Variants in ZFHX3 observed in about 807,000 individuals in gnomAD.
ZFHX3 encodes the protein zinc finger homeobox protein 3.
Under a neutral mutation model 279.1 loss-of-function variants are expected in ZFHX3, and 42 were observed. The observed-to-expected ratio is 0.15, with a 90% confidence interval of 0.12 to 0.19. The LOEUF (loss-of-function observed/expected upper bound fraction) is 0.19. Among genes scored for constraint, ZFHX3 ranks in the 10% least tolerant of loss-of-function variants. The pLI is 1.00. For missense variants in ZFHX3, 4,981 were observed against 4,754.0 expected, an observed-to-expected ratio of 1.05 and a Z score of -1.40; for synonymous variants, 2,293 against 1,957.8, an observed-to-expected ratio of 1.17 and a Z score of -4.52.
chr16:73,390,019 C>T (rs562638543), intron 3 of ZFHX3, among the ~76,000 whole-genome samples: 7 of 152,236 alleles, frequency 4.6e-5, no homozygotes, highest in African/African-American at 1.7e-4. Context: ...GAGATTGCAC[C>T]ACTGCACTCC....
At chr16:72,875,480 G>A (rs2038285581) in intron 4 of ZFHX3, among the ~76,000 whole-genome samples, 1 of 152,234 alleles carries the variant, frequency 6.6e-6, no homozygotes, top group Non-Finnish European at 1.5e-5. Context: ...TACACAGCCT[G>A]CTAGAGGCCA....
chr16:73,368,821 A>G (rs2016574017), intron 3 of ZFHX3, among the ~76,000 whole-genome samples: 1 of 152,212 alleles, frequency 6.6e-6, no homozygotes, highest in Non-Finnish European at 1.5e-5. Flanking sequence ...TCTCGAAACA[A>G]TTAACTCATG....
intron 2 of ZFHX3, among the ~76,000 whole-genome samples, chr16:73,484,766 G>A (rs2018943419): frequency 6.6e-6 from 1 of 152,142 alleles, no homozygotes; most frequent in Non-Finnish European, 1.5e-5. Context: ...CGATGAGAAG[G>A]GGCTCTCTGG....
intron 5 of ZFHX3, among the ~76,000 whole-genome samples, chr16:73,214,304 C>A (rs1262797054): frequency 1.3e-5 from 2 of 152,222 alleles, no homozygotes; most frequent in Non-Finnish European, 2.9e-5. Context: ...TCCACGTTCT[C>A]CTCATGCCAT....
In ZFHX3 at chr16:72,787,306, G is replaced by A. The variant is rs1371275904; in HGVS notation, c.10970C>T (p.Thr3657Ile). ...GTCAGACTCCTCCGAATAGTCGTCTGTTGGCATCGAGGGCTGAACCCCTGA... is the reference window on the plus strand; with the variant it reads ...GTCAGACTCCTCCGAATAGTCGTCTATTGGCATCGAGGGCTGAACCCCTGA... The part of the protein sequence containing the change: ...STSGVQPSMP[T>I]DDYSEESDTD... The change falls in exon 10 of 10, where the codon ACA (threonine) becomes ATA (isoleucine). Residue 3657 changes from threonine to isoleucine, a missense_variant. Thr to Ile is a moderately conservative substitution (Grantham distance 89). Coordinates refer to ENST00000268489, the MANE Select transcript of ZFHX3 (RefSeq NM_006885.4). The A allele has an allele frequency of 6.2e-7, 1 of 1,613,938 alleles. No individual in the cohort carries two copies. The highest frequency in any genetic ancestry group is 1.7e-5 in the Admixed American group (1 of 59,996).
intron 7 of ZFHX3, among the ~76,000 whole-genome samples, chr16:72,803,810 G>A (rs768681283): frequency 2.0e-5 from 3 of 152,188 alleles, no homozygotes; most frequent in African/African-American, 7.2e-5. Flanking sequence ...AAGTTTTTCT[G>A]GTTAAGAAAA....
intron 3 of ZFHX3, among the ~76,000 whole-genome samples, chr16:73,418,844 T>C (rs555407033): frequency 6.6e-6 from 1 of 152,344 alleles, no homozygotes; most frequent in East Asian, 1.9e-4. Flanking sequence ...AAATCACTTC[T>C]TCCAATGGAT....
intron 2 of ZFHX3, among the ~76,000 whole-genome samples, chr16:73,513,317 C>T (rs1012965342): frequency 1.3e-5 from 2 of 152,252 alleles, no homozygotes; most frequent in South Asian, 2.1e-4. Context: ...ACCTATATAT[C>T]ATCATATAAT....
chr16:73,024,344 G>A (rs984122157), intron 1 of ZFHX3, among the ~76,000 whole-genome samples: 1 of 152,094 alleles, frequency 6.6e-6, no homozygotes, highest in African/African-American at 2.4e-5. Flanking sequence ...TGAATTGATG[G>A]CCAGTCTCCA....
In ZFHX3 at chr16:72,795,897, T is replaced by G; in HGVS notation, c.6785A>C (p.Asp2262Ala). The change falls in exon 9 of 10, where the codon GAT becomes GCT. Residue 2262 changes from aspartate to alanine, a missense_variant. Physicochemically the swap from Asp to Ala is moderately radical, Grantham distance 126. This residue lies in a region of ZFHX3 where 177 missense variants were observed against 244.2 expected (regional missense o/e 0.72). Coordinates refer to ENST00000268489, the MANE Select transcript of ZFHX3 (RefSeq NM_006885.4). ...YQLRVLQDFF[D>A]ANAYPKDDEF... The stretch of plus-strand genomic sequence containing the variant: ...ATCATCCTTTGGGTAAGCATTGGCA[T>G]CGAAGAAGTCCTGTAAGACCCTCAG... 1 of 1,614,160 alleles carries G rather than the reference T, an allele frequency of 6.2e-7. No individual in the cohort carries two copies.
At chr16:72,870,879 A>G (rs1257992251) in intron 4 of ZFHX3, among the ~76,000 whole-genome samples, 1 of 152,142 alleles carries the variant, frequency 6.6e-6, no homozygotes, top group Non-Finnish European at 1.5e-5. Context: ...GATTTTGATC[A>G]TTGTTCTGTG....
intron 1 of ZFHX3, 112 bp from the exon 2 acceptor site, chr16:72,960,306 C>T: frequency 6.3e-6 from 5 of 789,110 alleles, no homozygotes; most frequent in Non-Finnish European, 7.5e-6. Flanking sequence ...CTCTAAGAGG[C>T]TTCTGTCCAC....
At chr16:73,786,146 C>CA (rs1342881708) in intron 1 of ZFHX3, among the ~76,000 whole-genome samples, 2 of 152,118 alleles carry the variant, frequency 1.3e-5, no homozygotes, top group Non-Finnish European at 2.9e-5. Context: ...GCTGGGATTA[C>CA]AGGTGTGAGC....
At chr16:73,043,003 C>A (rs1965170443) in intron 1 of ZFHX3, among the ~76,000 whole-genome samples, 3 of 151,922 alleles carry the variant, frequency 2.0e-5, no homozygotes, top group African/African-American at 4.8e-5. Context: ...TGTGGCCTTG[C>A]AAGGGAGTTT....
intron 3 of ZFHX3, among the ~76,000 whole-genome samples, chr16:72,935,606 T>A (rs1960076486): frequency 6.6e-6 from 1 of 151,734 alleles, no homozygotes; most frequent in East Asian, 1.9e-4. Flanking sequence ...CTGGGCATGG[T>A]GGCATGTGCC....
At chr16:72,843,389 T>C (rs1294321217) in intron 4 of ZFHX3, among the ~76,000 whole-genome samples, 1 of 151,844 alleles carries the variant, frequency 6.6e-6, no homozygotes, top group Non-Finnish European at 1.5e-5. Context: ...CGGGCGCCTG[T>C]AGTCCCAGCT....
Position 73,876,122 on chromosome 16 carries a change from T to G in ZFHX3, c.-1608+15529A>C, listed in dbSNP as rs147629988. ...GCGTATGAAACATGAAATGGAAACA[T>G]CCCAATCCCTGCATGCGTGATCCTG... On this transcript the variant is annotated intron_variant, in intron 1 of 17. Transcript: ENST00000641206. Among the ~76,000 whole-genome samples, 145 of 152,272 alleles carry G rather than the reference T, an allele frequency of 9.5e-4. 1 individual carries two copies. Among genetic ancestry groups the G allele is most frequent in the African/African-American group, 3.2e-3 (135 of 41,556 alleles).
At chr16:73,844,289 G>A (rs1438236643) in intron 1 of ZFHX3, among the ~76,000 whole-genome samples, 3 of 152,144 alleles carry the variant, frequency 2.0e-5, no homozygotes, top group Admixed American at 2.0e-4. Flanking sequence ...TATATGACTG[G>A]GGGGGTTGAA....
chr16:73,278,656 A>C (rs952099035), intron 4 of ZFHX3, among the ~76,000 whole-genome samples: 13 of 152,152 alleles, frequency 8.5e-5, no homozygotes, highest in African/African-American at 2.4e-4. Flanking sequence ...GTCCTATCAG[A>C]GTGCTCTTTT....
Sources: gnomAD v4.1 joint callset for allele counts (sites outside exome capture counted in the v4.1 genomes callset) on GRCh38, gnomAD v4.1.1 for gene constraint, gnomAD v4.1.1 regional missense constraint, MANE v1.5 for transcripts, NCBI Gene and HGNC (gene_info 2026-07-23, HGNC 2026-07-21) for gene names.